HUNK: variants seen among roughly 807,000 people sequenced by gnomAD.
HUNK encodes the protein hormonally up-regulated neu tumor-associated kinase.
HUNK carries 21 observed loss-of-function variants against 61.0 expected under a neutral mutation model. The observed-to-expected ratio is 0.34, with a 90% CI of 0.24 to 0.50. The LOEUF is 0.50. HUNK is among the 20% of genes least tolerant of loss of function. HUNK has a pLI of 0.98. For missense variants in HUNK, 772 were observed against 945.7 expected, an observed-to-expected ratio of 0.82 and a Z score of 2.41; for synonymous variants, 371 against 386.1, an observed-to-expected ratio of 0.96 and a Z score of 0.46.
intron 6 of HUNK, among the ~76,000 whole-genome samples, chr21:31,968,753 T>TGTGTGTGTGTGA (rs1292780745): frequency 1.2e-4 from 14 of 115,544 alleles, no homozygotes; most frequent in Non-Finnish European, 2.4e-4. Flanking sequence ...TGTGTGTGTG[T>TGTGTGTGTGTGA]GAGAGAGAGA....
chr21:31,946,247 A>T, intron 4 of HUNK, 76 bp downstream of exon 4: 1 of 1,438,002 alleles, frequency 7.0e-7, no homozygotes, highest in Non-Finnish European at 9.5e-7. Context: ...ATCATGCCTG[A>T]GTATTGGATG....
chr21:31,998,355 G>A (rs1304867186), intron 10 of HUNK, among the ~76,000 whole-genome samples, 171 bp from the exon 11 acceptor site: 1 of 152,200 alleles, frequency 6.6e-6, no homozygotes, highest in African/African-American at 2.4e-5. Flanking sequence ...TGTGGGGAGA[G>A]TGACATGCTG....
At chr21:31,997,226 T>C (rs942137221) in intron 10 of HUNK, among the ~76,000 whole-genome samples, 3 of 152,266 alleles carry the variant, frequency 2.0e-5, no homozygotes, top group Admixed American at 2.0e-4. Context: ...CCCAAATCTG[T>C]AGGGGGTTTC....
At chr21:31,912,017 A>G (rs1219599036) in intron 1 of HUNK, among the ~76,000 whole-genome samples, 1 of 152,130 alleles carries the variant, frequency 6.6e-6, no homozygotes, top group African/African-American at 2.4e-5. Flanking sequence ...CCTCGTACCT[A>G]CTTTCTAGCA....
intron 2 of HUNK, among the ~76,000 whole-genome samples, chr21:31,926,463 C>T (rs367742388): frequency 1.8e-4 from 27 of 151,884 alleles, no homozygotes; most frequent in East Asian, 5.8e-4. Context: ...TATTACCCCC[C>T]GCAAAAGAAA....
chr21:31,915,827 G>C (rs546371335), intron 1 of HUNK, among the ~76,000 whole-genome samples: 1 of 152,252 alleles, frequency 6.6e-6, no homozygotes, highest in South Asian at 2.1e-4. Flanking sequence ...CTCTATTCCA[G>C]AGAGTTGAAA....
chr21:31,904,881 C>G (rs2052494186), intron 1 of HUNK, among the ~76,000 whole-genome samples: 1 of 152,058 alleles, frequency 6.6e-6, no homozygotes, highest in Non-Finnish European at 1.5e-5. Flanking sequence ...CACCTGAGGT[C>G]AGGAGTTTGA....
chr21:31,998,486 C>T (rs767085455), intron 10 of HUNK, 40 bp from the exon 11 acceptor site: 13 of 1,525,326 alleles, frequency 8.5e-6, no homozygotes, highest in Middle Eastern at 1.8e-4. Flanking sequence ...GAGCACTGTC[C>T]GGACGTCCTC....
chr21:31,928,166 G>A (rs1021220261), intron 2 of HUNK, among the ~76,000 whole-genome samples: 1 of 152,138 alleles, frequency 6.6e-6, no homozygotes, highest in Non-Finnish European at 1.5e-5. Flanking sequence ...CACCGACTCC[G>A]CAGGTCACAG....
At chr21:31,995,579 G>A (rs2053198736) in intron 9 of HUNK, among the ~76,000 whole-genome samples, 189 bp from the exon 10 acceptor site, 1 of 152,208 alleles carries the variant, frequency 6.6e-6, no homozygotes, top group Non-Finnish European at 1.5e-5. Context: ...TCGCTGCCCA[G>A]GCAGAGGGAG....
chr21:31,967,875 G>A (rs1314767763), intron 5 of HUNK, among the ~76,000 whole-genome samples: 1 of 152,178 alleles, frequency 6.6e-6, no homozygotes, highest in East Asian at 1.9e-4. Context: ...TCACCTATGA[G>A]CAACAAGAAA....
rs76730400 is a variant in HUNK, at chr21:31,892,943, C to T, written c.261+19008C>T. Among the ~76,000 whole-genome samples, 1,204 of 150,024 alleles carry T rather than the reference C, an allele frequency of 8.0e-3. 25 individuals are homozygous for T. The highest frequency in any genetic ancestry group is 0.028 in the African/African-American group (1,148 of 41,216). On this transcript the variant is annotated intron_variant, in intron 1 of 10. Coordinates refer to ENST00000270112, the MANE Select transcript of HUNK (RefSeq NM_014586.2). ...TCCTGCCATTCACCCTGCCCCCTGC[C>T]TCAAGGCTTCTCACTATTCCTGGCT... is the stretch of plus-strand genomic sequence containing the variant.
intron 7 of HUNK, among the ~76,000 whole-genome samples, chr21:31,976,459 CTTTTTTTTTT>C (rs34950116): frequency 0.029 from 1,842 of 63,836 alleles, 76 homozygotes; most frequent in African/African-American, 0.095. Context: ...TTTTTTGAGA[CTTTTTTTTTT>C]TTTTTTTTTT....
intron 1 of HUNK, among the ~76,000 whole-genome samples, chr21:31,875,400 G>T (rs1232735756): frequency 1.3e-5 from 2 of 152,188 alleles, no homozygotes; most frequent in South Asian, 4.1e-4. Flanking sequence ...GCTTTATTAT[G>T]GGTATGTGGG....
At chr21:31,946,241 T>C in intron 4 of HUNK, 70 bp downstream of exon 4, 1 of 1,488,370 alleles carries the variant, frequency 6.7e-7, no homozygotes, top group Non-Finnish European at 9.2e-7. Flanking sequence ...TATGAAATCA[T>C]GCCTGAGTAT....
intron 1 of HUNK, among the ~76,000 whole-genome samples, chr21:31,908,585 G>T (rs575798763): frequency 4.6e-5 from 7 of 152,222 alleles, no homozygotes; most frequent in Non-Finnish European, 8.8e-5. Flanking sequence ...GAAAGGCAGG[G>T]AGGGAGAGTG....
intron 4 of HUNK, among the ~76,000 whole-genome samples, chr21:31,951,552 A>T (rs2052850181): frequency 6.6e-6 from 1 of 151,942 alleles, no homozygotes; most frequent in Admixed American, 6.6e-5. Context: ...CCTGGGATGG[A>T]TGGGTGAAGT....
chr21:31,997,380 C>T (rs962532163), intron 10 of HUNK, among the ~76,000 whole-genome samples: 3 of 152,192 alleles, frequency 2.0e-5, no homozygotes, highest in South Asian at 2.1e-4. Context: ...AGGTTCCATC[C>T]AGATCAAAAG....
At chr21:31,968,725 T>A (rs963968136) in intron 6 of HUNK, among the ~76,000 whole-genome samples, 55 of 139,952 alleles carry the variant, frequency 3.9e-4, no homozygotes, top group African/African-American at 7.9e-4. Flanking sequence ...AGTGTGTGTG[T>A]GTGTGTGTGT....
Sources: allele counts gnomAD v4.1 joint callset (sites outside exome capture counted in the v4.1 genomes callset), GRCh38; gene constraint gnomAD v4.1.1; transcripts MANE v1.5; gene names NCBI Gene and HGNC (gene_info 2026-07-23, HGNC 2026-07-21).